CTNND2: variants seen among roughly 807,000 people sequenced by gnomAD.
The protein encoded by CTNND2 is catenin delta 2.
CTNND2 carries 22 observed loss-of-function variants against 144.4 expected under a neutral mutation model. That is an observed-to-expected ratio of 0.15 (90% CI 0.11 to 0.22). CTNND2 has a LOEUF of 0.22. Ranked by LOEUF, CTNND2 falls within the 10% of genes least tolerant of loss-of-function variation. The pLI, the probability that CTNND2 is intolerant of heterozygous loss-of-function variation, is 1.00. For synonymous variants in CTNND2, 751 were observed against 695.6 expected (o/e 1.08, Z -1.25); for missense variants, 1,353 against 1,618.8 (o/e 0.84, Z 2.82).
intron 15 of CTNND2, among the ~76,000 whole-genome samples, chr5:11,093,633 C>G (rs1751013682): frequency 1.3e-5 from 2 of 152,048 alleles, no homozygotes; most frequent in Admixed American, 1.3e-4. Flanking sequence ...AAAAAGCTGT[C>G]TCCATGCAAA....
chr5:11,844,833 T>C (rs1794655811), intron 1 of CTNND2, among the ~76,000 whole-genome samples: 1 of 152,136 alleles, frequency 6.6e-6, no homozygotes, highest in South Asian at 2.1e-4. Context: ...TTAATATTGT[T>C]AATCAAGCTT....
intron 1 of CTNND2, among the ~76,000 whole-genome samples, chr5:11,838,286 C>T (rs1794282606): frequency 6.6e-6 from 1 of 152,120 alleles, no homozygotes; most frequent in African/African-American, 2.4e-5. Flanking sequence ...AGTTCTTTTC[C>T]TCCCAGCTCT....
At chr5:11,470,972 A>ATG (rs1767144762) in intron 3 of CTNND2, among the ~76,000 whole-genome samples, 18 of 98,432 alleles carry the variant, frequency 1.8e-4, no homozygotes, top group Non-Finnish European at 3.0e-4. Flanking sequence ...ATATATATAT[A>ATG]TATATATATT....
intron 3 of CTNND2, among the ~76,000 whole-genome samples, chr5:11,525,715 C>G (rs1309692143): frequency 6.6e-5 from 10 of 152,090 alleles, no homozygotes; most frequent in African/African-American, 9.7e-5. Flanking sequence ...AAAATGTGCA[C>G]ATGAGGTTAA....
chr5:11,049,120 G>A (rs370499049), intron 16 of CTNND2, among the ~76,000 whole-genome samples: 2 of 152,204 alleles, frequency 1.3e-5, no homozygotes, highest in African/African-American at 2.4e-5. Flanking sequence ...GCTGGAAATG[G>A]GGGAAGGTAA....
chr5:11,651,939 G>A (rs114491793), intron 2 of CTNND2, among the ~76,000 whole-genome samples: 1,581 of 152,076 alleles, frequency 0.01, 11 homozygotes, highest in East Asian at 0.05. Flanking sequence ...TCTCAGATGC[G>A]ACTTTGGACC....
chr5:11,719,499 A>G (rs1433150114), intron 2 of CTNND2, among the ~76,000 whole-genome samples: 1 of 152,238 alleles, frequency 6.6e-6, no homozygotes, highest in Non-Finnish European at 1.5e-5. Context: ...TAGATACTAC[A>G]TATTTACAAA....
At chr5:11,420,998 T>G (rs1294420769) in intron 3 of CTNND2, among the ~76,000 whole-genome samples, 1 of 152,070 alleles carries the variant, frequency 6.6e-6, no homozygotes, top group Non-Finnish European at 1.5e-5. Context: ...ACCTTAACTC[T>G]GCTTACCTTT....
intron 15 of CTNND2, among the ~76,000 whole-genome samples, chr5:11,085,252 C>G (rs1486092758): frequency 6.6e-6 from 1 of 152,132 alleles, no homozygotes; most frequent in Non-Finnish European, 1.5e-5. Context: ...AACTGGTGAG[C>G]AGTGATGTGT....
intron 3 of CTNND2, among the ~76,000 whole-genome samples, chr5:11,542,290 G>T (rs1020716494): frequency 1.3e-5 from 2 of 152,056 alleles, no homozygotes; most frequent in Admixed American, 6.6e-5. Context: ...ATAAAATAAA[G>T]AATGACTCTA....
chr5:11,467,541 C>G (rs1766796608), intron 3 of CTNND2, among the ~76,000 whole-genome samples: 1 of 152,078 alleles, frequency 6.6e-6, no homozygotes, highest in Non-Finnish European at 1.5e-5. Context: ...CATGTTCTGG[C>G]CTTTGAAATA....
At chr5:11,592,146 TCCTGCCTTCCTGCCTG>T (rs371676569) in intron 2 of CTNND2, among the ~76,000 whole-genome samples, 1,640 of 144,906 alleles carry the variant, frequency 0.011, 20 homozygotes, top group East Asian at 0.049. Flanking sequence ...CTTCCTGCCT[TCCTGCCTTCCTGCCTG>T]CCTGCCTTCC....
intron 3 of CTNND2, among the ~76,000 whole-genome samples, chr5:11,448,045 A>G (rs1764985229): frequency 6.6e-6 from 1 of 152,136 alleles, no homozygotes; most frequent in Non-Finnish European, 1.5e-5. Flanking sequence ...CTGCGAAGGG[A>G]GAGGGAGAAT....
chr5:11,356,873 T>A (rs141364228), intron 8 of CTNND2, among the ~76,000 whole-genome samples: 36 of 150,786 alleles, frequency 2.4e-4, no homozygotes, highest in African/African-American at 8.7e-4. Context: ...GCAAAAGACC[T>A]TACTTGACAT....
chr5:11,820,053 TC>T (rs1793228910), intron 1 of CTNND2, among the ~76,000 whole-genome samples: 1 of 152,050 alleles, frequency 6.6e-6, no homozygotes, highest in Non-Finnish European at 1.5e-5. Flanking sequence ...ACTGCCTGCT[TC>T]CCCCGTGTTT....
At chr5:11,852,873 A>G (rs1446793546) in intron 1 of CTNND2, among the ~76,000 whole-genome samples, 1 of 152,154 alleles carries the variant, frequency 6.6e-6, no homozygotes, top group African/African-American at 2.4e-5. Flanking sequence ...GTTTGCCCTT[A>G]TGTGTGCACT....
At chr5:11,720,752 A>T (rs1316922008) in intron 2 of CTNND2, among the ~76,000 whole-genome samples, 1 of 152,142 alleles carries the variant, frequency 6.6e-6, no homozygotes, top group African/African-American at 2.4e-5. Flanking sequence ...CTGCCATGGA[A>T]TTTTTTTGAT....
At chr5:11,635,746 A>C (rs1441761246) in intron 2 of CTNND2, among the ~76,000 whole-genome samples, 1 of 152,058 alleles carries the variant, frequency 6.6e-6, no homozygotes, top group Admixed American at 6.6e-5. Context: ...TAGATGGGCT[A>C]TTCTTTAACC....
At chr5:11,189,113 C>G (rs150657509) in intron 11 of CTNND2, among the ~76,000 whole-genome samples, 85 of 152,256 alleles carry the variant, frequency 5.6e-4, no homozygotes, top group Middle Eastern at 3.4e-3. Context: ...CACTTATTGT[C>G]TTGACACAGT....
Sources: allele counts gnomAD v4.1 joint callset (sites outside exome capture counted in the v4.1 genomes callset), GRCh38; gene constraint gnomAD v4.1.1; transcripts MANE v1.5; gene names NCBI Gene and HGNC (gene_info 2026-07-23, HGNC 2026-07-21).